Variants in MYOM1 observed in about 807,000 individuals in gnomAD.
The protein encoded by MYOM1 is myomesin-1.
In MYOM1, 164 loss-of-function variants were observed where a neutral mutation model predicts 205.3. The ratio of observed to expected loss-of-function variants is 0.80; its 90% CI spans 0.70 to 0.91. The LOEUF is 0.91. MYOM1 is among the 40% of genes least tolerant of loss of function. The probability of loss-of-function intolerance (pLI) is 0.00; values close to 1 mark genes in which losing one functional copy is unlikely to be tolerated. For synonymous variants in MYOM1, 772 were observed against 789.4 expected (o/e 0.98, Z 0.37); for missense variants, 2,011 against 2,127.3 (o/e 0.95, Z 1.08).
At chr18:3,145,106 C>T (rs752567067) in intron 13 of MYOM1, among the ~76,000 whole-genome samples, 22 of 152,024 alleles carry the variant, frequency 1.4e-4, no homozygotes, top group African/African-American at 3.6e-4. Context: ...GTCAGGAGTT[C>T]GAGACCAGCC....
chr18:3,070,826 C>T (rs185344967), intron 37 of MYOM1, among the ~76,000 whole-genome samples: 1 of 151,736 alleles, frequency 6.6e-6, no homozygotes, highest in East Asian at 2.0e-4. Flanking sequence ...CTGGAGTGAT[C>T]TTGGCTCACT....
chr18:3,147,576 A>T (rs1024973434), intron 13 of MYOM1, among the ~76,000 whole-genome samples: 1 of 152,162 alleles, frequency 6.6e-6, no homozygotes, highest in East Asian at 1.9e-4. Context: ...TGATTTGAAG[A>T]TGCTAAAATT....
At chr18:3,148,854 AAAAAAAAAAAAAAAAAAAG>A (rs1567934411) in intron 13 of MYOM1, among the ~76,000 whole-genome samples, 1 of 145,214 alleles carries the variant, frequency 6.9e-6, no homozygotes, top group East Asian at 2.0e-4. Context: ...CAAAAAAAAA[AAAAAAAAAAAAAAAAAAAG>A]AAAATGGTGA....
rs747242619 is a variant in MYOM1, at chr18:3,092,423, C to T, written c.3865-1621G>A. On this transcript the variant is annotated intron_variant, in intron 26 of 37. Coordinates refer to ENST00000356443, the MANE Select transcript of MYOM1 (RefSeq NM_003803.4). The stretch of plus-strand genomic sequence containing the variant: ...GCCCAAGCTGGTTTCAAACTCTGAG[C>T]CTCAAGTAATTCCCCTGCCTTGGCC... 1.6e-4 allele frequency among the ~76,000 whole-genome samples: 25 copies of T among 152,142 alleles called. 1 individual carries two copies. The highest frequency in any genetic ancestry group is 4.6e-4 in the Admixed American group (7 of 15,276).
At chr18:3,218,621 G>A (rs935395669) in intron 1 of MYOM1, among the ~76,000 whole-genome samples, 1 of 152,078 alleles carries the variant, frequency 6.6e-6, no homozygotes, top group South Asian at 2.1e-4. Context: ...AAACAAAGGG[G>A]TTAGAAAATG....
intron 2 of MYOM1, among the ~76,000 whole-genome samples, chr18:3,201,227 T>G (rs1214857017): frequency 6.6e-6 from 1 of 151,922 alleles, no homozygotes; most frequent in Admixed American, 6.6e-5. Flanking sequence ...GGTGGAACCC[T>G]GCCTCTACTA....
Position 3,179,007 on chromosome 18 carries a change from A to G in MYOM1, c.930-2873T>C, listed in dbSNP as rs954676564. Among the ~76,000 whole-genome samples the G allele has an allele frequency of 6.6e-6, 1 of 152,090 alleles. No homozygotes were observed. Among genetic ancestry groups the G allele is most frequent in the African/African-American group, 2.4e-5 (1 of 41,394 alleles). ...CTCAGACTACCAAGTAGCTGGGACT[A>G]CAAGTGTGCACCACCACACTCAGCT... On this transcript the variant is annotated intron_variant, in intron 5 of 37. Coordinates refer to ENST00000356443, the MANE Select transcript of MYOM1 (RefSeq NM_003803.4). This position sits in a 1 kb window ranked among gnomAD's most constrained non-coding sequence, Gnocchi z 4.4.
At chr18:3,105,652 C>T (rs1204286154) in intron 22 of MYOM1, among the ~76,000 whole-genome samples, 3 of 152,056 alleles carry the variant, frequency 2.0e-5, no homozygotes, top group African/African-American at 7.3e-5. Context: ...GCCAGGAGTT[C>T]AAAACCAGCC....
the MYOM1 span, chr18:3,246,371 C>T: frequency 6.6e-6 from 1 of 152,242 alleles, no homozygotes; most frequent in Admixed American, 6.5e-5. Context: ...GATGGCTTCC[C>T]AGGACCTGCC....
At chr18:3,145,636 C>G (rs1310763089) in intron 13 of MYOM1, among the ~76,000 whole-genome samples, 1 of 151,770 alleles carries the variant, frequency 6.6e-6, no homozygotes, top group East Asian at 1.9e-4. Context: ...TAAAGGAGTA[C>G]TTAGAAAAAA....
At chr18:3,100,100 C>A in intron 25 of MYOM1, 59 bp downstream of exon 25, 1 of 1,551,494 alleles carries the variant, frequency 6.4e-7, no homozygotes, top group Admixed American at 1.7e-5. Context: ...CTGATCTATT[C>A]CAGAAGTTGC....
rs1261496629 is a variant in MYOM1, at chr18:3,174,143, G to A, written c.1088C>T (p.Ala363Val). Reference protein sequence around the residue: ...SAMNVKGELSAYASVVVKRYK... With the variant: ...SAMNVKGELSVYASVVVKRYK... ...ACTTTTTACCACAACTGAAGCATAT[G>A]CCGAAAGCTCTCCTTTAACATTCAT... is the stretch of plus-strand genomic sequence containing the variant. The change falls in exon 7 of 38, where the codon GCA (alanine) becomes GTA (valine). Residue 363 changes from alanine (A) to valine (V), a missense_variant. Physicochemically the swap from Ala to Val is moderately conservative, Grantham distance 64. Coordinates refer to ENST00000356443, the MANE Select transcript of MYOM1 (RefSeq NM_003803.4). 6.2e-7 allele frequency: 1 copy of A among 1,613,894 alleles called. No homozygotes were observed. Among genetic ancestry groups the A allele is most frequent in the Non-Finnish European group, 8.5e-7 (1 of 1,179,892 alleles).
chr18:3,112,276 T>C, intron 22 of MYOM1, 22 bp downstream of exon 22: 5 of 1,603,652 alleles, frequency 3.1e-6, no homozygotes, highest in Non-Finnish European at 4.3e-6. Flanking sequence ...GGATTAGTTT[T>C]AATGAAAAGG....
At chr18:3,225,773 A>G in the MYOM1 span, among the ~76,000 whole-genome samples, 1 of 152,192 alleles carries the variant, frequency 6.6e-6, no homozygotes, top group African/African-American at 2.4e-5. Context: ...CCCTCCTCCC[A>G]GCACGCCCCT....
At chr18:3,156,527 T>A (rs947042601) in intron 10 of MYOM1, among the ~76,000 whole-genome samples, 2 of 152,072 alleles carry the variant, frequency 1.3e-5, no homozygotes, top group East Asian at 3.9e-4. Flanking sequence ...TGTAACTAAC[T>A]CATTGTGCCT....
intron 18 of MYOM1, 21 bp downstream of exon 18, chr18:3,129,211 C>T: frequency 6.2e-7 from 1 of 1,607,318 alleles, no homozygotes; most frequent in East Asian, 2.2e-5. Context: ...GATGGAACAG[C>T]TTCCCTTTCT....
At chr18:3,143,585 G>A (rs1270942467) in intron 13 of MYOM1, among the ~76,000 whole-genome samples, 1 of 152,094 alleles carries the variant, frequency 6.6e-6, no homozygotes, top group Non-Finnish European at 1.5e-5. Flanking sequence ...ACAGCACCAA[G>A]GCTAAGAGTG....
Position 3,116,323 on chromosome 18 carries a change from C to A in MYOM1, c.3303+8G>T, listed in dbSNP as rs146547953. ...TAGAGGAAGCTCTAGAACTGAGCAG[C>A]CTCTTACCTTCAGGTATACGTTTTT... On this transcript the variant is annotated splice_region_variant and intron_variant, in intron 21 of 37. Coordinates refer to ENST00000356443, the MANE Select transcript of MYOM1 (RefSeq NM_003803.4). 3.7e-6 allele frequency: 6 copies of A among 1,609,664 alleles called. No individual in the cohort carries two copies. In the African/African-American group the frequency reaches 8.0e-5, roughly 21 times the overall value.
chr18:3,186,544 T>G (rs2080812392), intron 5 of MYOM1, among the ~76,000 whole-genome samples: 1 of 152,190 alleles, frequency 6.6e-6, no homozygotes, highest in African/African-American at 2.4e-5. Flanking sequence ...GATCAAAAAG[T>G]CATTGACAAT....
Sources: gnomAD v4.1 joint callset for allele counts (sites outside exome capture counted in the v4.1 genomes callset) on GRCh38, gnomAD v4.1.1 for gene constraint, Gnocchi (gnomAD v3.1) non-coding constraint, MANE v1.5 for transcripts, NCBI Gene and HGNC (gene_info 2026-07-23, HGNC 2026-07-21) for gene names.